ANXA8: variants seen among roughly 807,000 people sequenced by gnomAD.
ANXA8 encodes the protein VAC-beta.
In ANXA8, 9 loss-of-function variants were observed where a neutral mutation model predicts 26.8. The observed-to-expected ratio is 0.34, with a 90% CI of 0.20 to 0.59. The LOEUF (loss-of-function observed/expected upper bound fraction) is 0.59, where lower values mean the gene tolerates loss of function less well. Among genes scored for constraint, ANXA8 ranks in the 20% least tolerant of loss-of-function variants. The probability of loss-of-function intolerance (pLI) is 0.84; values close to 1 mark genes in which losing one functional copy is unlikely to be tolerated. For missense variants in ANXA8, 83 were observed against 238.5 expected (o/e 0.35, Z 4.29); for synonymous variants, 39 against 94.8 (o/e 0.41, Z 3.42).
chr10:47,734,880 G>A, the ANXA8 span, among the ~76,000 whole-genome samples: 12 of 126,726 alleles, frequency 9.5e-5, no homozygotes, highest in African/African-American at 2.0e-4. Flanking sequence ...TTAGCCAGGC[G>A]TGGTGGTGCA....
chr10:47,688,218 C>G, the ANXA8 span, among the ~76,000 whole-genome samples: 1 of 148,334 alleles, frequency 6.7e-6, no homozygotes, highest in African/African-American at 2.5e-5. Context: ...CTCAGCCTCC[C>G]TAGTAGCTGG....
the ANXA8 span, among the ~76,000 whole-genome samples, chr10:47,903,194 CT>C: frequency 1.8e-4 from 15 of 84,574 alleles, no homozygotes; most frequent in East Asian, 5.0e-4. Flanking sequence ...TCTTTCCCTT[CT>C]TTTTTTGGTA....
At chr10:47,647,347 T>A in the ANXA8 span, among the ~76,000 whole-genome samples, 29 of 151,496 alleles carry the variant, frequency 1.9e-4, no homozygotes, top group African/African-American at 6.8e-4. Context: ...AATACTGACA[T>A]TGTTCAATTC....
chr10:47,650,785 C>T, the ANXA8 span, among the ~76,000 whole-genome samples: 693 of 142,298 alleles, frequency 4.9e-3, no homozygotes, highest in African/African-American at 0.019. Context: ...CCAGCCTGGG[C>T]GACAGAGCGA....
the ANXA8 span, among the ~76,000 whole-genome samples, chr10:47,618,278 T>C: frequency 1.8e-5 from 2 of 109,026 alleles, no homozygotes; most frequent in Non-Finnish European, 4.0e-5. Flanking sequence ...CAAAACTGGG[T>C]CAAGTTTTTT....
chr10:47,970,359 T>A, the ANXA8 span: 1 of 151,016 alleles, frequency 6.6e-6, no homozygotes, highest in African/African-American at 2.4e-5. Flanking sequence ...CACTGAAGAA[T>A]GTTCTAGGAA....
the ANXA8 span, among the ~76,000 whole-genome samples, chr10:47,966,579 C>A: frequency 1.4e-5 from 2 of 147,736 alleles, no homozygotes; most frequent in Non-Finnish European, 3.0e-5. Flanking sequence ...CTCAGACCCA[C>A]GGCTGTAGGC....
the ANXA8 span, among the ~76,000 whole-genome samples, chr10:47,530,628 G>A: frequency 2.0e-5 from 3 of 151,046 alleles, no homozygotes; most frequent in Non-Finnish European, 4.4e-5. Context: ...GGGAGGCAGA[G>A]GTTGCAGTGA....
At chr10:47,733,246 T>A in the ANXA8 span, among the ~76,000 whole-genome samples, 7 of 86,706 alleles carry the variant, frequency 8.1e-5, 1 homozygote, top group Non-Finnish European at 1.6e-4. Context: ...TTTCTTTCTT[T>A]CTTTCTTTCT....
chr10:47,979,007 G>A, the ANXA8 span, among the ~76,000 whole-genome samples: 2 of 151,608 alleles, frequency 1.3e-5, no homozygotes, highest in Non-Finnish European at 1.5e-5. Flanking sequence ...AACCAAAGGG[G>A]AGCTGGAGTG....
the ANXA8 span, among the ~76,000 whole-genome samples, chr10:47,631,158 T>C: frequency 6.7e-6 from 1 of 150,190 alleles, no homozygotes; most frequent in South Asian, 2.1e-4. Context: ...CATACAAATA[T>C]AATTTTGTAT....
chr10:47,706,190 G>A, the ANXA8 span: 2 of 568,254 alleles, frequency 3.5e-6, no homozygotes, highest in East Asian at 6.6e-5. Context: ...CCGGGGCTGA[G>A]GAGGCCGCCA....
chr10:47,584,825 C>T, the ANXA8 span, among the ~76,000 whole-genome samples: 5 of 130,962 alleles, frequency 3.8e-5, no homozygotes, highest in South Asian at 1.2e-3. Context: ...TGGTGGCTCA[C>T]ACCTGTAATC....
chr10:47,720,994 A>G, the ANXA8 span, among the ~76,000 whole-genome samples: 1 of 139,264 alleles, frequency 7.2e-6, no homozygotes, highest in African/African-American at 2.6e-5. Context: ...CAAAAAAAAA[A>G]AAAAAAGCTG....
At chr10:47,945,513 G>A in the ANXA8 span, among the ~76,000 whole-genome samples, 1 of 150,206 alleles carries the variant, frequency 6.7e-6, no homozygotes, top group East Asian at 2.1e-4. Flanking sequence ...TCAAAACCAG[G>A]GTGAAGATGG....
At chr10:47,698,786 C>T in the ANXA8 span, among the ~76,000 whole-genome samples, 3 of 152,052 alleles carry the variant, frequency 2.0e-5, no homozygotes, top group East Asian at 3.9e-4. Context: ...CATGATTGTA[C>T]CACAGCACTT....
chr10:47,554,956 C>T, the ANXA8 span, among the ~76,000 whole-genome samples: 26,962 of 149,260 alleles, frequency 0.18, 2,280 homozygotes, highest in East Asian at 0.49. Context: ...TGTCCTCTGC[C>T]CTACCTCAGC....
At chr10:47,488,728 T>G (rs1840090511), upstream of ANXA8, among the ~76,000 whole-genome samples, 2 of 122,808 alleles carry the variant, frequency 1.6e-5, no homozygotes, top group Non-Finnish European at 3.3e-5. Flanking sequence ...TTTTTTTTTT[T>G]TTTTTTTTTT....
chr10:47,580,754 A>C, the ANXA8 span, among the ~76,000 whole-genome samples: 4 of 50,686 alleles, frequency 7.9e-5, no homozygotes, highest in East Asian at 5.5e-4. Context: ...AAAACAAAAC[A>C]AAAAAAAAAA....
Sources: allele counts gnomAD v4.1 joint callset (sites outside exome capture counted in the v4.1 genomes callset), GRCh38; gene constraint gnomAD v4.1.1; transcripts MANE v1.5; gene names NCBI Gene and HGNC (gene_info 2026-07-23, HGNC 2026-07-21).